PCBP3: variants seen among roughly 807,000 people sequenced by gnomAD.
PCBP3 encodes the protein poly(rC)-binding protein 3.
PCBP3 carries 25 observed loss-of-function variants against 52.7 expected under a neutral mutation model. The ratio of observed to expected loss-of-function variants is 0.47; its 90% confidence interval spans 0.35 to 0.66. The LOEUF (loss-of-function observed/expected upper bound fraction) is 0.66, where lower values mean the gene tolerates loss of function less well. Ranked by LOEUF, PCBP3 falls within the 30% of genes least tolerant of loss-of-function variation. PCBP3 has a pLI of 0.01. For synonymous variants in PCBP3, 162 were observed against 183.0 expected, an observed-to-expected ratio of 0.89 and a Z score of 0.93; for missense variants, 391 against 490.3, an observed-to-expected ratio of 0.80 and a Z score of 1.91.
intron 4 of PCBP3, among the ~76,000 whole-genome samples, chr21:45,831,408 C>CAAAAAAAAA (rs59400163): frequency 2.1e-4 from 18 of 86,580 alleles, no homozygotes; most frequent in African/African-American, 6.7e-4. Context: ...GATGCTGTCT[C>CAAAAAAAAA]AAAAAAAAAA....
intron 13 of PCBP3, among the ~76,000 whole-genome samples, chr21:45,926,499 A>C (rs548929218): frequency 6.6e-6 from 1 of 152,306 alleles, no homozygotes; most frequent in South Asian, 2.1e-4. Flanking sequence ...GGAGATGACT[A>C]TGTCAAACGG....
chr21:45,706,885 C>G (rs2083482130), intron 2 of PCBP3, among the ~76,000 whole-genome samples: 1 of 152,216 alleles, frequency 6.6e-6, no homozygotes, highest in South Asian at 2.1e-4. Context: ...AAATATTTCT[C>G]TCTGCAACTT....
intron 4 of PCBP3, among the ~76,000 whole-genome samples, chr21:45,789,967 G>A (rs1412217928): frequency 6.6e-6 from 1 of 152,116 alleles, no homozygotes; most frequent in Non-Finnish European, 1.5e-5. Context: ...GTGAAACCCC[G>A]TCTCTACTAA....
At chr21:45,646,146 T>TGTGTGTGTGTGTGTGTG (rs1569070571) in intron 1 of PCBP3, among the ~76,000 whole-genome samples, 1 of 148,014 alleles carries the variant, frequency 6.8e-6, no homozygotes, top group African/African-American at 2.5e-5. Flanking sequence ...TGTGTGTGTG[T>TGTGTGTGTGTGTGTGTG]TTTGGGGCAG....
At chr21:45,755,992 C>G (rs999014404) in intron 4 of PCBP3, among the ~76,000 whole-genome samples, 1 of 152,102 alleles carries the variant, frequency 6.6e-6, no homozygotes, top group Non-Finnish European at 1.5e-5. Flanking sequence ...CCTAAGAATT[C>G]TGCACATTCC....
chr21:45,685,782 G>C (rs1463117762), intron 2 of PCBP3, among the ~76,000 whole-genome samples: 1 of 152,052 alleles, frequency 6.6e-6, no homozygotes, highest in African/African-American at 2.4e-5. Context: ...AGTAAAATCA[G>C]CCCCAAAAAT....
At chr21:45,758,957 G>A (rs1188132101) in intron 4 of PCBP3, among the ~76,000 whole-genome samples, 1 of 152,214 alleles carries the variant, frequency 6.6e-6, no homozygotes, top group South Asian at 2.1e-4. Context: ...TTAAAATAAT[G>A]TATGGTTTTT....
At chr21:45,860,112 C>A (rs570730066) in intron 5 of PCBP3, among the ~76,000 whole-genome samples, 1 of 152,134 alleles carries the variant, frequency 6.6e-6, no homozygotes, top group Admixed American at 6.5e-5. Context: ...AGTGGGTAAC[C>A]GAAGGCTCCA....
rs187199510 is a variant in PCBP3, at chr21:45,853,188, G to A, written c.10+3093G>A. On this transcript the variant is annotated intron_variant, in intron 5 of 17. Coordinates refer to ENST00000681687, the MANE Select transcript of PCBP3 (RefSeq NM_001384156.1). This position sits in a 1 kb window ranked among gnomAD's most constrained non-coding sequence, Gnocchi z 4.6. ...ATCTCTGTGGTGACAAAATCTCCAC[G>A]GGTTCATGGAGACAGATGCACACAG... 4.7e-4 allele frequency among the ~76,000 whole-genome samples: 72 copies of A among 152,276 alleles called. No individual in the cohort carries two copies. The highest frequency in any genetic ancestry group is 1.7e-3 in the South Asian group (8 of 4,804).
chr21:45,823,245 A>G (rs2093199770), intron 4 of PCBP3, among the ~76,000 whole-genome samples: 1 of 152,120 alleles, frequency 6.6e-6, no homozygotes, highest in African/African-American at 2.4e-5. Flanking sequence ...TGTTCCCTGC[A>G]TGTCGTCCTC....
intron 1 of PCBP3, among the ~76,000 whole-genome samples, chr21:45,657,434 C>A (rs565120051): frequency 1.3e-5 from 2 of 152,178 alleles, no homozygotes; most frequent in Non-Finnish European, 2.9e-5. Context: ...GGCCTTAGCA[C>A]TTCTGTCAAA....
intron 3 of PCBP3, among the ~76,000 whole-genome samples, chr21:45,754,996 T>A (rs945970020): frequency 3.3e-5 from 5 of 152,204 alleles, no homozygotes; most frequent in African/African-American, 1.2e-4. Flanking sequence ...ATATAATTTA[T>A]ATAGTATAAA....
At chr21:45,785,315 A>G (rs2091034914) in intron 4 of PCBP3, among the ~76,000 whole-genome samples, 1 of 149,212 alleles carries the variant, frequency 6.7e-6, no homozygotes, top group Non-Finnish European at 1.5e-5. Context: ...CCGCCCGGCC[A>G]GCCGCCCCGT....
chr21:45,817,323 C>T lies in PCBP3; in HGVS notation c.-125-32638C>T, dbSNP rs2092995355. Among the ~76,000 whole-genome samples the T allele has an allele frequency of 6.6e-6, 1 of 152,164 alleles. No homozygotes were observed. Among genetic ancestry groups the T allele is most frequent in the South Asian group, 2.1e-4 (1 of 4,830 alleles). On this transcript the variant is annotated intron_variant, in intron 4 of 17. Coordinates refer to ENST00000681687, the MANE Select transcript of PCBP3 (RefSeq NM_001384156.1). The surrounding 1 kb of genome is among the most constrained non-coding windows in gnomAD (Gnocchi z 4.3). Reference sequence around the variant, plus strand: ...GCCTCCACTGTGGCTGTGAGCAGTCCCCGCCTCGTGGTACCACATGACATT... The same window carrying T: ...GCCTCCACTGTGGCTGTGAGCAGTCTCCGCCTCGTGGTACCACATGACATT...
intron 4 of PCBP3, among the ~76,000 whole-genome samples, chr21:45,840,932 C>T (rs566801093): frequency 1.3e-5 from 2 of 152,294 alleles, no homozygotes; most frequent in Middle Eastern, 3.4e-3. Flanking sequence ...ATCTCTTATA[C>T]CATATTTCAC....
At chr21:45,705,177 T>A (rs912077659) in intron 2 of PCBP3, among the ~76,000 whole-genome samples, 4 of 152,194 alleles carry the variant, frequency 2.6e-5, no homozygotes, top group Non-Finnish European at 4.4e-5. Flanking sequence ...TTATGTGAGT[T>A]CCCTTGATCA....
intron 2 of PCBP3, among the ~76,000 whole-genome samples, chr21:45,681,536 A>G (rs2081850187): frequency 6.6e-6 from 1 of 152,130 alleles, no homozygotes; most frequent in South Asian, 2.1e-4. Context: ...TCAAGGAATC[A>G]CTCTTGCTAA....
Position 45,805,638 on chromosome 21 carries a change from G to A in PCBP3, c.-125-44323G>A, listed in dbSNP as rs900932937. Among the ~76,000 whole-genome samples, 4 of 152,256 alleles carry A rather than the reference G, an allele frequency of 2.6e-5. No individual in the cohort carries two copies. The highest frequency in any genetic ancestry group is 4.1e-4 in the South Asian group (2 of 4,828). ...TGTCTGCTTTTGTGTCAACAGTTGGGGCAAGCACATTTTCACAGGGAGAGT... is the reference window on the plus strand; with the variant it reads ...TGTCTGCTTTTGTGTCAACAGTTGGAGCAAGCACATTTTCACAGGGAGAGT... On this transcript the variant is annotated intron_variant, in intron 4 of 17. Transcript: ENST00000681687. This position sits in a 1 kb window ranked among gnomAD's most constrained non-coding sequence, Gnocchi z 4.6.
chr21:45,917,586 A>T lies in PCBP3; in HGVS notation c.676-2A>T. 1 of 1,612,082 alleles carries T rather than the reference A, an allele frequency of 6.2e-7. No homozygotes were observed. The highest frequency in any genetic ancestry group is 8.5e-7 in the Non-Finnish European group (1 of 1,178,554). On this transcript the variant is annotated splice_acceptor_variant, in intron 12 of 17. Coordinates refer to ENST00000681687, the MANE Select transcript of PCBP3 (RefSeq NM_001384156.1). LOFTEE classifies it high-confidence loss of function. The surrounding 1 kb of genome is among the most constrained non-coding windows in gnomAD (Gnocchi z 5.3). ...TCTGACGGGGTCTCTCTCTCTCTCT[A>T]GGCCTACACAATCCAGGGACAGTAT...
Sources: allele counts gnomAD v4.1 joint callset (sites outside exome capture counted in the v4.1 genomes callset), GRCh38; gene constraint gnomAD v4.1.1; non-coding constraint Gnocchi (gnomAD v3.1); transcripts MANE v1.5; gene names NCBI Gene and HGNC (gene_info 2026-07-23, HGNC 2026-07-21).